NR2C2: variants seen among roughly 807,000 people sequenced by gnomAD.
The protein encoded by NR2C2 is Nuclear hormone receptor TR4.
NR2C2 carries 6 observed loss-of-function variants against 62.9 expected under a neutral mutation model. The ratio of observed to expected loss-of-function variants is 0.10; its 90% CI spans 0.05 to 0.19. The LOEUF (loss-of-function observed/expected upper bound fraction) is 0.19, where lower values mean the gene tolerates loss of function less well. Among genes scored for constraint, NR2C2 ranks in the 10% least tolerant of loss-of-function variants. The probability of loss-of-function intolerance (pLI) is 1.00; values close to 1 mark genes in which losing one functional copy is unlikely to be tolerated. For missense variants in NR2C2, 479 were observed against 762.7 expected, an observed-to-expected ratio of 0.63 and a Z score of 4.38; for synonymous variants, 272 against 273.8, an observed-to-expected ratio of 0.99 and a Z score of 0.07.
chr3:14,992,059 G>T (rs992036291), intron 1 of NR2C2, among the ~76,000 whole-genome samples: 2 of 151,958 alleles, frequency 1.3e-5, no homozygotes, highest in Non-Finnish European at 2.9e-5. Context: ...GACATGAGCC[G>T]CTGCACCTGG....
chr3:15,042,749 A>G (rs1163871392), intron 13 of NR2C2, 85 bp from the exon 14 acceptor site: 9 of 1,281,110 alleles, frequency 7.0e-6, no homozygotes, highest in Non-Finnish European at 9.9e-6. Context: ...TCTGTGCAAT[A>G]CAGACGGGAC....
chr3:14,954,876 G>T (rs2039477656), intron 1 of NR2C2, among the ~76,000 whole-genome samples: 1 of 152,106 alleles, frequency 6.6e-6, no homozygotes, highest in Non-Finnish European at 1.5e-5. Context: ...TGCCGCCCAG[G>T]CCGGAGTGCA....
intron 1 of NR2C2, among the ~76,000 whole-genome samples, chr3:14,974,916 C>G (rs144513561): frequency 1.6e-4 from 24 of 152,062 alleles, no homozygotes; most frequent in Non-Finnish European, 2.4e-4. Context: ...TGTATACTTA[C>G]GTTTTAAGTG....
intron 3 of NR2C2, among the ~76,000 whole-genome samples, chr3:15,014,385 A>G (rs2041442578): frequency 1.3e-5 from 2 of 152,168 alleles, no homozygotes; most frequent in Admixed American, 6.5e-5. Flanking sequence ...TAGAATCTCC[A>G]AACCCAACAA....
intron 1 of NR2C2, among the ~76,000 whole-genome samples, chr3:15,002,761 C>T (rs2041053379): frequency 7.1e-6 from 1 of 141,824 alleles, no homozygotes; most frequent in Non-Finnish European, 1.5e-5. Flanking sequence ...CGGGTTCAAG[C>T]GATTCTCCTG....
rs2041947169 is a variant in NR2C2, at chr3:15,030,336, G to C, written c.994G>C (p.Ala332Pro). 1 of 1,613,144 alleles carries C rather than the reference G, an allele frequency of 6.2e-7. No individual in the cohort carries two copies. The highest frequency in any genetic ancestry group is 8.5e-7 in the Non-Finnish European group (1 of 1,179,768). Residue 332 changes from alanine (A) to proline (P), a missense_variant, in exon 9 of 14, where the codon GCA becomes CCA. This residue lies in a region of NR2C2 where 151 missense variants were observed against 176.1 expected (regional missense o/e 0.86). Transcript: ENST00000425241. ...TTDSSSSPSL[A>P]DGIDTSGGGS... ...AGACAGCTCCTCTTCTCCAAGCTTGGCAGATGGGATAGACACCAGTGGAGG... is the reference window on the plus strand; with the variant it reads ...AGACAGCTCCTCTTCTCCAAGCTTGCCAGATGGGATAGACACCAGTGGAGG...
At chr3:14,957,518 A>G (rs1005500093) in intron 1 of NR2C2, among the ~76,000 whole-genome samples, 1 of 152,244 alleles carries the variant, frequency 6.6e-6, no homozygotes, top group South Asian at 2.1e-4. Flanking sequence ...AGAATTTCTT[A>G]TAAAACCTGT....
intron 1 of NR2C2, among the ~76,000 whole-genome samples, chr3:14,976,353 TATG>T (rs2040203492): frequency 2.0e-5 from 3 of 152,334 alleles, no homozygotes; most frequent in Admixed American, 2.0e-4. Flanking sequence ...GTTATATAAT[TATG>T]ATACTATTAC....
At chr3:14,973,571 T>G (rs567357449) in intron 1 of NR2C2, among the ~76,000 whole-genome samples, 1 of 152,086 alleles carries the variant, frequency 6.6e-6, no homozygotes, top group Admixed American at 6.6e-5. Context: ...CATTTAGTAC[T>G]AAATTTTAGA....
chr3:15,014,272 C>T (rs2041438615), intron 3 of NR2C2, among the ~76,000 whole-genome samples: 1 of 152,158 alleles, frequency 6.6e-6, no homozygotes, highest in Non-Finnish European at 1.5e-5. Context: ...CCTGGTTCTT[C>T]CTGCTCTGTT....
rs2042370322 is a variant in NR2C2 at position 15,044,167 on chromosome 3, T to C, written c.*1159T>C. The stretch of plus-strand genomic sequence containing the variant: ...GGAGCCTGCTGCCGCCTGGCGAGAG[T>C]GGTTAGGGCCTGGTAAAGCTGGATG... On this transcript the variant is annotated 3_prime_UTR_variant, in exon 14 of 14. Transcript: ENST00000425241. The C allele has an allele frequency of 6.6e-6, 1 of 151,718 alleles. No individual in the cohort carries two copies. The highest frequency in any genetic ancestry group is 2.4e-5 in the African/African-American group (1 of 41,246). The allele number at this position is 151,718 out of a possible 1,614,324, so 9.4% of individuals were successfully genotyped here.
chr3:15,034,888 G>A, intron 11 of NR2C2, 79 bp downstream of exon 11: 4 of 1,397,774 alleles, frequency 2.9e-6, no homozygotes, highest in Middle Eastern at 2.5e-4. Flanking sequence ...CCCCCTGGTT[G>A]GAGGCTCATG....
At chr3:15,022,262 C>A (rs2125024258) in intron 5 of NR2C2, among the ~76,000 whole-genome samples, 1 of 152,314 alleles carries the variant, frequency 6.6e-6, no homozygotes, top group Admixed American at 6.5e-5. Flanking sequence ...ATAAAATTGA[C>A]ACCCATTAAA....
rs553305299 is a variant in NR2C2, at chr3:14,957,914, A to G, written c.-40+10008A>G. On this transcript the variant is annotated intron_variant, in intron 1 of 13. Transcript: ENST00000425241. Reference sequence around the variant, plus strand: ...CTCTCCTTCCCTGGTCTCTGTAATAATTCCACACCACATTGCCATTCCTCA... The same window carrying G: ...CTCTCCTTCCCTGGTCTCTGTAATAGTTCCACACCACATTGCCATTCCTCA... 1.3e-4 allele frequency among the ~76,000 whole-genome samples: 7 copies of G among 53,328 alleles called. No homozygotes were observed. The East Asian group carries it at 4.7e-3, about 36-fold the overall frequency. The allele number at this position is 53,328 out of a possible 152,430, so 35.0% of individuals were successfully genotyped here.
chr3:14,977,292 G>A (rs2040234621), intron 1 of NR2C2, among the ~76,000 whole-genome samples: 1 of 152,074 alleles, frequency 6.6e-6, no homozygotes, highest in South Asian at 2.1e-4. Context: ...ATTAATTATT[G>A]AACTCATTTT....
chr3:14,966,041 C>T (rs2039843919), intron 1 of NR2C2, among the ~76,000 whole-genome samples: 2 of 152,270 alleles, frequency 1.3e-5, no homozygotes, highest in South Asian at 4.1e-4. Flanking sequence ...TTTTAAACTG[C>T]ATATAATAAC....
At chr3:14,956,323 A>G (rs2039524818) in intron 1 of NR2C2, among the ~76,000 whole-genome samples, 1 of 152,212 alleles carries the variant, frequency 6.6e-6, no homozygotes, top group South Asian at 2.1e-4. Flanking sequence ...TCCCATGAAT[A>G]TGAACAGACT....
At chr3:14,992,294 C>T (rs1259748162) in intron 1 of NR2C2, among the ~76,000 whole-genome samples, 4 of 151,912 alleles carry the variant, frequency 2.6e-5, no homozygotes, top group African/African-American at 9.7e-5. Flanking sequence ...TCATAAACCC[C>T]CCTGTGTCGG....
intron 1 of NR2C2, among the ~76,000 whole-genome samples, chr3:14,987,512 T>C (rs2040543856): frequency 6.6e-6 from 1 of 152,206 alleles, no homozygotes; most frequent in East Asian, 1.9e-4. Flanking sequence ...AGCCTTGTAT[T>C]TGAAAGTTTT....
Sources: allele counts gnomAD v4.1 joint callset (sites outside exome capture counted in the v4.1 genomes callset), GRCh38; gene constraint gnomAD v4.1.1; regional missense constraint gnomAD v4.1.1; transcripts MANE v1.5; gene names NCBI Gene and HGNC (gene_info 2026-07-23, HGNC 2026-07-21).